Variants in CHKA observed in about 807,000 individuals in gnomAD.
The protein encoded by CHKA is choline kinase alpha.
CHKA carries 34 observed loss-of-function variants against 60.1 expected under a neutral mutation model. The ratio of observed to expected loss-of-function variants is 0.57; its 90% CI spans 0.43 to 0.75. The LOEUF (loss-of-function observed/expected upper bound fraction) is 0.75. CHKA is among the 30% of genes least tolerant of loss of function. CHKA has a pLI of 0.00. For missense variants in CHKA, 563 were observed against 561.3 expected (o/e 1.00, Z -0.03); for synonymous variants, 217 against 223.1 (o/e 0.97, Z 0.24).
intron 2 of CHKA, among the ~76,000 whole-genome samples, chr11:68,094,604 T>C (rs189345766): frequency 1.3e-5 from 2 of 152,312 alleles, no homozygotes; most frequent in East Asian, 1.9e-4. Context: ...AAACTATACT[T>C]TGAAACTGCA....
At chr11:68,074,115 A>G (rs1856709158) in intron 4 of CHKA, among the ~76,000 whole-genome samples, 1 of 152,194 alleles carries the variant, frequency 6.6e-6, no homozygotes, top group African/African-American at 2.4e-5. Flanking sequence ...TGTAACTCTA[A>G]GACATGGTAT....
rs751522975 is a variant in CHKA, at chr11:68,121,003, G to A, written c.175C>T (p.Pro59Ser). The change falls in exon 1 of 12, where the codon CCT becomes TCT. Residue 59 changes from proline to serine, a missense_variant. Coordinates refer to ENST00000265689, the MANE Select transcript of CHKA (RefSeq NM_001277.3). Reference sequence around the variant, plus strand: ...AGCGGCAGCGGCAGCGGCGGCGGAGGGGGCAGCGCGAGCGGCGGCTGTTGG... The same window carrying A: ...AGCGGCAGCGGCAGCGGCGGCGGAGAGGGCAGCGCGAGCGGCGGCTGTTGG... ...GGQQPPLALP[P>S]PPPLPLPLPL... 1.9e-5 allele frequency: 21 copies of A among 1,117,610 alleles called. No homozygotes were observed. The highest frequency in any genetic ancestry group is 2.3e-5 in the Non-Finnish European group (21 of 915,428). 69.2% of individuals were successfully genotyped at this position (1,117,610 alleles called of 1,614,324 possible).
chr11:68,099,035 T>C (rs751996942), intron 1 of CHKA, among the ~76,000 whole-genome samples: 6 of 152,130 alleles, frequency 3.9e-5, no homozygotes, highest in Non-Finnish European at 5.9e-5. Flanking sequence ...TACTACAACA[T>C]GAAACTTAAA....
intron 4 of CHKA, among the ~76,000 whole-genome samples, chr11:68,072,653 C>G (rs1456423429): frequency 6.6e-6 from 1 of 151,570 alleles, no homozygotes; most frequent in Non-Finnish European, 1.5e-5. Context: ...CAAACACCGG[C>G]GGCGTCATAT....
At chr11:68,078,614 G>A (rs914814404) in intron 3 of CHKA, among the ~76,000 whole-genome samples, 14 of 152,144 alleles carry the variant, frequency 9.2e-5, no homozygotes, top group African/African-American at 3.4e-4. Context: ...AGGAAGAAGA[G>A]TATTGATGTT....
intron 7 of CHKA, 75 bp from the exon 8 acceptor site, chr11:68,066,591 A>C: frequency 8.8e-7 from 1 of 1,139,020 alleles, no homozygotes; most frequent in Non-Finnish European, 1.3e-6. Flanking sequence ...GAGCCGAGAG[A>C]ATGGATTTGA....
At chr11:68,064,260 T>C (rs113225825) in intron 10 of CHKA, among the ~76,000 whole-genome samples, 2 of 152,122 alleles carry the variant, frequency 1.3e-5, no homozygotes, top group African/African-American at 4.8e-5. Flanking sequence ...ATACAAAAAT[T>C]AGCTGGACAT....
intron 7 of CHKA, among the ~76,000 whole-genome samples, chr11:68,067,820 G>T (rs904171617): frequency 6.6e-6 from 1 of 152,310 alleles, no homozygotes; most frequent in South Asian, 2.1e-4. Flanking sequence ...GAGTTAGCCA[G>T]CGATGAGCAG....
chr11:68,064,729 GAC>G (rs1007985070), intron 9 of CHKA, 98 bp from the exon 10 acceptor site: 1 of 694,390 alleles, frequency 1.4e-6, no homozygotes. Flanking sequence ...CACACTGGGA[GAC>G]ACACACTCAA....
chr11:68,095,895 A>G (rs1857497501), intron 2 of CHKA, among the ~76,000 whole-genome samples: 1 of 144,524 alleles, frequency 6.9e-6, no homozygotes, highest in East Asian at 2.1e-4. Flanking sequence ...TACAAAAATT[A>G]GGCGGGTGTA....
chr11:68,063,653 C>A (rs1336398746), intron 10 of CHKA, among the ~76,000 whole-genome samples: 1 of 152,120 alleles, frequency 6.6e-6, no homozygotes, highest in Non-Finnish European at 1.5e-5. Flanking sequence ...CCACCCAAAT[C>A]TCATCTTTAA....
intron 1 of CHKA, among the ~76,000 whole-genome samples, chr11:68,114,817 G>A (rs1858325210): frequency 2.0e-5 from 3 of 151,938 alleles, no homozygotes; most frequent in South Asian, 2.1e-4. Flanking sequence ...CCAATTCTAT[G>A]ACATTCTGGA....
intron 7 of CHKA, among the ~76,000 whole-genome samples, chr11:68,067,276 A>G (rs1260075924): frequency 6.6e-6 from 1 of 152,174 alleles, no homozygotes; most frequent in African/African-American, 2.4e-5. Flanking sequence ...TCTTCAGCAT[A>G]CTTTTTCCAT....
At chr11:68,111,983 G>T (rs764340057) in intron 1 of CHKA, among the ~76,000 whole-genome samples, 1 of 149,918 alleles carries the variant, frequency 6.7e-6, no homozygotes, top group African/African-American at 2.5e-5. Context: ...AACCTGGGAG[G>T]TGGAGGTTGC....
chr11:68,088,136 AAAT>A (rs1857244438), intron 2 of CHKA, among the ~76,000 whole-genome samples: 3 of 149,806 alleles, frequency 2.0e-5, no homozygotes, highest in Non-Finnish European at 3.0e-5. Flanking sequence ...AAAAAAAAAA[AAAT>A]TCCTACTGTT....
chr11:68,062,864 G>A lies in CHKA; in HGVS notation c.1233-830C>T, dbSNP rs575406445. On this transcript the variant is annotated intron_variant, in intron 10 of 11. Transcript: ENST00000265689. ...GTAGGCAGGTGTGACATCACACTTAGTGTTGGGGGTGAGCACTCTGGAGGC... is the reference window on the plus strand; with the variant it reads ...GTAGGCAGGTGTGACATCACACTTAATGTTGGGGGTGAGCACTCTGGAGGC... Among the ~76,000 whole-genome samples the A allele has an allele frequency of 2.6e-5, 4 of 152,306 alleles. No individual in the cohort carries two copies. The South Asian group carries it at 6.2e-4, about 24-fold the overall frequency.
chr11:68,084,402 G>A (rs1219817686), intron 2 of CHKA, among the ~76,000 whole-genome samples: 5 of 81,274 alleles, frequency 6.2e-5, no homozygotes, highest in South Asian at 6.0e-4. Flanking sequence ...ACACATATAC[G>A]TATATATGTG....
At chr11:68,105,729 G>A (rs956040269) in intron 1 of CHKA, among the ~76,000 whole-genome samples, 1 of 152,002 alleles carries the variant, frequency 6.6e-6, no homozygotes, top group Admixed American at 6.6e-5. Context: ...GTAACACAAA[G>A]ATTTCCACCT....
chr11:68,074,807 C>G lies in CHKA; in HGVS notation c.540G>C (p.Glu180Asp). The change falls in exon 4 of 12, where the codon GAG (glutamate) becomes GAC (aspartate). Residue 180 changes from glutamate to aspartate, a missense_variant. Coordinates refer to ENST00000265689, the MANE Select transcript of CHKA (RefSeq NM_001277.3). The part of the protein sequence containing the change: ...EFQGAEAMVL[E>D]SVMFAILAER... Reference sequence around the variant, plus strand: ...CTGCGAGAATGGCAAACATAACGCTCTCCAGAACCATGGCCTCAGCCCCCT... The same window carrying G: ...CTGCGAGAATGGCAAACATAACGCTGTCCAGAACCATGGCCTCAGCCCCCT... The G allele has an allele frequency of 6.2e-7, 1 of 1,614,210 alleles. No homozygotes were observed. The highest frequency in any genetic ancestry group is 8.5e-7 in the Non-Finnish European group (1 of 1,180,026).
Sources: allele counts gnomAD v4.1 joint callset (sites outside exome capture counted in the v4.1 genomes callset), GRCh38; gene constraint gnomAD v4.1.1; transcripts MANE v1.5; gene names NCBI Gene and HGNC (gene_info 2026-07-23, HGNC 2026-07-21).